The following P4HA3 variants were observed in gnomAD, a reference collection of about 807,000 sequenced individuals.
P4HA3 encodes prolyl 4-hydroxylase subunit alpha 3.
A neutral mutation model predicts 66.7 loss-of-function variants in P4HA3; 60 were observed. The ratio of observed to expected loss-of-function variants is 0.90; its 90% CI spans 0.73 to 1.12. The LOEUF (loss-of-function observed/expected upper bound fraction) is 1.12. P4HA3 is among the 50% of genes most tolerant of loss of function. The probability of loss-of-function intolerance (pLI) is 0.00; values close to 1 mark genes in which losing one functional copy is unlikely to be tolerated. For synonymous variants in P4HA3, 263 were observed against 274.6 expected, an observed-to-expected ratio of 0.96 and a Z score of 0.42; for missense variants, 683 against 685.8, an observed-to-expected ratio of 1.00 and a Z score of 0.05.
chr11:74,273,065 G>A (rs1277233090), intron 10 of P4HA3, among the ~76,000 whole-genome samples: 1 of 152,152 alleles, frequency 6.6e-6, no homozygotes, highest in African/African-American at 2.4e-5. Flanking sequence ...AAACATCAGA[G>A]GCAGCACTTG....
intron 1 of P4HA3, among the ~76,000 whole-genome samples, chr11:74,309,691 T>C (rs1342448645): frequency 6.6e-6 from 1 of 152,220 alleles, no homozygotes; most frequent in Non-Finnish European, 1.5e-5. Flanking sequence ...TAGACAACTA[T>C]GCTATTCCAA....
At chr11:74,267,483 G>A (rs1480569853) in intron 12 of P4HA3, among the ~76,000 whole-genome samples, 165 bp from the exon 13 acceptor site, 1 of 152,222 alleles carries the variant, frequency 6.6e-6, no homozygotes, top group Non-Finnish European at 1.5e-5. Flanking sequence ...TGGACTACAA[G>A]CTGTTTCTTC....
In P4HA3 at chr11:74,311,507, G is replaced by A. The variant is rs1294893389; in HGVS notation, c.105C>T (p.Thr35=). ...CGGGCGCCAGGGCGCGCGCCACGCT[G>A]GTCAGCGCCGAGAACGTGTCGCCCC... The part of the protein sequence containing the change: ...AARGDTFSAL[T]SVARALAPER... The change falls in exon 1 of 13, where the codon ACC becomes ACT. Residue 35 remains threonine (T), a synonymous_variant. Transcript: ENST00000331597. 6.5e-7 allele frequency: 1 copy of A among 1,538,420 alleles called. No individual in the cohort carries two copies. The highest frequency in any genetic ancestry group is 1.2e-5 in the South Asian group (1 of 83,854).
At chr11:74,302,842 G>A (rs546632405) in intron 2 of P4HA3, among the ~76,000 whole-genome samples, 4 of 152,092 alleles carry the variant, frequency 2.6e-5, no homozygotes, top group African/African-American at 7.2e-5. Context: ...GTCCTATCCT[G>A]TATGTTTACA....
At chr11:74,277,243 G>T (rs1860432161) in intron 8 of P4HA3, 99 bp from the exon 9 acceptor site, 3 of 1,413,692 alleles carry the variant, frequency 2.1e-6, no homozygotes, top group South Asian at 2.7e-5. Context: ...TATGTTAATT[G>T]CCAGAAGGAA....
intron 4 of P4HA3, among the ~76,000 whole-genome samples, chr11:74,294,093 G>A (rs1222211974): frequency 1.3e-5 from 2 of 152,188 alleles, no homozygotes; most frequent in Admixed American, 6.5e-5. Context: ...CCAATCAGAC[G>A]TAGATTTGGT....
chr11:74,255,983 A>C, intron 15 of P4HA3: 1 of 507,994 alleles, frequency 2.0e-6, no homozygotes, highest in Non-Finnish European at 4.0e-6. Context: ...CAGCATGATC[A>C]CTTGGTTTTC....
Position 74,304,407 on chromosome 11 carries a change from T to C in P4HA3, c.206A>G (p.Tyr69Cys), listed in dbSNP as rs146614349. Reference sequence around the variant, plus strand: ...CTCATGCAAAGAAAGTACCTTGTCGTAGAATCTGAAAGAAAGGAGTAGAAT... The same window carrying C: ...CTCATGCAAAGAAAGTACCTTGTCGCAGAATCTGAAAGAAAGGAGTAGAAT... Reference protein sequence around the residue: ...EARLRDLTRFYDKVLSLHEDS... With the variant: ...EARLRDLTRFCDKVLSLHEDS... The change falls in exon 2 of 13, where the codon TAC becomes TGC. Residue 69 changes from tyrosine to cysteine, a missense_variant. By Grantham distance (194) the Tyr-to-Cys change is radical. Coordinates refer to ENST00000331597, the MANE Select transcript of P4HA3 (RefSeq NM_182904.5). 1.8e-5 allele frequency: 29 copies of C among 1,614,032 alleles called. No individual in the cohort carries two copies. In the African/African-American group the frequency reaches 2.8e-4, roughly 16 times the overall value.
At chr11:74,305,679 T>C (rs1861559407) in intron 1 of P4HA3, among the ~76,000 whole-genome samples, 1 of 152,228 alleles carries the variant, frequency 6.6e-6, no homozygotes, top group Non-Finnish European at 1.5e-5. Flanking sequence ...TCAGACTCCA[T>C]GCTAGATTCT....
intron 4 of P4HA3, among the ~76,000 whole-genome samples, chr11:74,289,743 G>A (rs1469904091): frequency 6.6e-6 from 1 of 151,826 alleles, no homozygotes; most frequent in Non-Finnish European, 1.5e-5. Context: ...ACGGTTTCCA[G>A]TTTCATCCAT....
In P4HA3 at chr11:74,285,881, G is replaced by C; in HGVS notation, c.1038C>G (p.Pro346=). 1.2e-6 allele frequency: 2 copies of C among 1,613,976 alleles called. No individual in the cohort carries two copies. Among genetic ancestry groups the C allele is most frequent in the Non-Finnish European group, 1.7e-6 (2 of 1,179,898 alleles). ...CGAAGTCATGGTAGAGAGCAATGTAGGGCTCCAGGTGGATGACCTCCTTCC... is the reference window on the plus strand; with the variant it reads ...CGAAGTCATGGTAGAGAGCAATGTACGGCTCCAGGTGGATGACCTCCTTCC... The part of the protein sequence containing the change: ...PIRKEVIHLE[P]YIALYHDFVS... Residue 346 remains proline, a synonymous_variant, in exon 7 of 13, where the codon CCC becomes CCG. Transcript: ENST00000331597.
intron 4 of P4HA3, among the ~76,000 whole-genome samples, chr11:74,296,599 C>T (rs928085431): frequency 2.6e-5 from 4 of 152,076 alleles, no homozygotes; most frequent in Non-Finnish European, 4.4e-5. Flanking sequence ...AGGTGACATT[C>T]GAGGTGTGCC....
intron 9 of P4HA3, among the ~76,000 whole-genome samples, chr11:74,275,268 A>G (rs995415776): frequency 6.6e-5 from 10 of 152,280 alleles, no homozygotes; most frequent in African/African-American, 2.4e-4. Flanking sequence ...CTGTGGTCAC[A>G]AAAATTTTCT....
At chr11:74,290,393 T>C (rs543741240) in intron 4 of P4HA3, among the ~76,000 whole-genome samples, 2 of 150,164 alleles carry the variant, frequency 1.3e-5, no homozygotes, top group African/African-American at 2.4e-5. Flanking sequence ...ATTTTGTAGG[T>C]TGCCTGTTCA....
chr11:74,308,887 G>A (rs373416294), intron 1 of P4HA3, among the ~76,000 whole-genome samples: 1 of 152,184 alleles, frequency 6.6e-6, no homozygotes, highest in African/African-American at 2.4e-5. Flanking sequence ...TATGGTGGTA[G>A]GTACTATTTT....
intron 5 of P4HA3, chr11:74,287,252 C>T: frequency 7.8e-6 from 10 of 1,289,360 alleles, no homozygotes; most frequent in Non-Finnish European, 1.0e-5. Flanking sequence ...AAGCATCTTT[C>T]TCTGAGGAGC....
intron 5 of P4HA3, 152 bp from the exon 6 acceptor site, chr11:74,286,543 A>G: frequency 1.6e-6 from 1 of 609,160 alleles, no homozygotes. Context: ...AGGAGGATGC[A>G]AGGCCCTCAC....
chr11:74,292,681 T>G (rs954911763), intron 4 of P4HA3, among the ~76,000 whole-genome samples: 19 of 152,228 alleles, frequency 1.2e-4, no homozygotes, highest in African/African-American at 3.4e-4. Context: ...ACATCTTTAT[T>G]TCTGCCTTCA....
At chr11:74,263,040 G>A (rs1158219566), downstream of P4HA3, among the ~76,000 whole-genome samples, 1 of 152,218 alleles carries the variant, frequency 6.6e-6, no homozygotes, top group Admixed American at 6.5e-5. Flanking sequence ...GCTCCAACAT[G>A]GATACCCTCA....
Sources: gnomAD v4.1 joint callset for allele counts (sites outside exome capture counted in the v4.1 genomes callset) on GRCh38, gnomAD v4.1.1 for gene constraint, MANE v1.5 for transcripts, NCBI Gene and HGNC (gene_info 2026-07-23, HGNC 2026-07-21) for gene names.